Variants in MAD1L1 observed in about 807,000 individuals in gnomAD.
MAD1L1 encodes mitotic arrest deficient 1 like 1.
A neutral mutation model predicts 96.9 loss-of-function variants in MAD1L1; 95 were observed. The observed-to-expected ratio is 0.98, with a 90% confidence interval of 0.83 to 1.16. MAD1L1 has a LOEUF of 1.16. MAD1L1 is among the 50% of genes most tolerant of loss of function. MAD1L1 has a pLI of 0.00. For missense variants in MAD1L1, 1,007 were observed against 954.4 expected (o/e 1.06, Z -0.73); for synonymous variants, 473 against 396.6 (o/e 1.19, Z -2.29).
At chr7:1,918,814 A>C (rs1183311134) in intron 17 of MAD1L1, among the ~76,000 whole-genome samples, 1 of 152,004 alleles carries the variant, frequency 6.6e-6, no homozygotes, top group Admixed American at 6.5e-5. Flanking sequence ...ACCTGAGGAG[A>C]CCACAGCTCC....
At chr7:2,071,152 G>A (rs906644893) in intron 11 of MAD1L1, among the ~76,000 whole-genome samples, 1 of 152,170 alleles carries the variant, frequency 6.6e-6, no homozygotes, top group Non-Finnish European at 1.5e-5. Flanking sequence ...TTTCTTGGGC[G>A]GTGGTCTCCA....
intron 10 of MAD1L1, among the ~76,000 whole-genome samples, chr7:2,169,369 TAA>T (rs950761791): frequency 3.3e-5 from 5 of 151,960 alleles, no homozygotes; most frequent in Non-Finnish European, 7.4e-5. Context: ...ACTTGTGCAA[TAA>T]AATTAAGAAA....
intron 10 of MAD1L1, among the ~76,000 whole-genome samples, chr7:2,175,750 A>C (rs1040600673): frequency 7.2e-5 from 11 of 152,172 alleles, no homozygotes; most frequent in African/African-American, 2.7e-4. Flanking sequence ...GGTGGGGCTC[A>C]TCCTCCTCCT....
intron 10 of MAD1L1, among the ~76,000 whole-genome samples, chr7:2,151,073 C>T (rs984181614): frequency 2.6e-5 from 4 of 152,240 alleles, no homozygotes; most frequent in African/African-American, 9.6e-5. Flanking sequence ...CCATTCTCTC[C>T]AGTTTCCCAA....
rs550471195 is a variant in MAD1L1, at chr7:2,008,773, G to T, written c.1359+5729C>A. Among the ~76,000 whole-genome samples, 331 of 127,528 alleles carry T rather than the reference G, an allele frequency of 2.6e-3. 1 individual carries two copies. The highest frequency in any genetic ancestry group is 3.9e-3 in the Non-Finnish European group (215 of 55,206). The allele number at this position is 127,528 out of a possible 152,430, so 83.7% of individuals were successfully genotyped here. A position where few individuals can be genotyped will look rare whatever the true frequency, so the allele number is the denominator to read the frequency against. ...AGACGCAGACACGCAGGAAGCTCAG[G>T]GGGGGAAGGAACACGGCTCCATCCC... On this transcript the variant is annotated intron_variant, in intron 13 of 18. Coordinates refer to ENST00000265854, the MANE Select transcript of MAD1L1 (RefSeq NM_001013836.2).
At chr7:1,920,084 C>A (rs1486575247) in intron 17 of MAD1L1, among the ~76,000 whole-genome samples, 3 of 152,168 alleles carry the variant, frequency 2.0e-5, no homozygotes, top group Non-Finnish European at 4.4e-5. Flanking sequence ...ACAGCAACCC[C>A]CAGAGTCAGA....
At chr7:1,843,370 C>T (rs148053247) in intron 18 of MAD1L1, among the ~76,000 whole-genome samples, 1,713 of 152,264 alleles carry the variant, frequency 0.011, 29 homozygotes, top group African/African-American at 0.039. Context: ...ACGTCCCTCA[C>T]GGCCAGGGAG....
At chr7:2,214,704 G>A (rs1301640166) in intron 9 of MAD1L1, among the ~76,000 whole-genome samples, 3 of 152,184 alleles carry the variant, frequency 2.0e-5, no homozygotes, top group African/African-American at 4.8e-5. Context: ...GCTGTGCACC[G>A]GGCAAGAGAG....
In MAD1L1 at chr7:2,114,984, C is replaced by G. The variant is rs1015724658; in HGVS notation, c.1073+34168G>C. On this transcript the variant is annotated intron_variant, in intron 11 of 18. Transcript: ENST00000265854. The surrounding 1 kb of genome is among the most constrained non-coding windows in gnomAD (Gnocchi z 4.2). ...GAAGAATCTGTTCCCAGGGTAGAAACAGTGACGGGCCAGTGCAGCAGAGAA... is the reference window on the plus strand; with the variant it reads ...GAAGAATCTGTTCCCAGGGTAGAAAGAGTGACGGGCCAGTGCAGCAGAGAA... 6.6e-6 allele frequency among the ~76,000 whole-genome samples: 1 copy of G among 152,382 alleles called. No individual in the cohort carries two copies. Among genetic ancestry groups the G allele is most frequent in the East Asian group, 1.9e-4 (1 of 5,186 alleles).
At chr7:1,950,749 G>A (rs1164710363) in intron 16 of MAD1L1, among the ~76,000 whole-genome samples, 2 of 152,342 alleles carry the variant, frequency 1.3e-5, no homozygotes, top group Middle Eastern at 3.4e-3. Flanking sequence ...TGGGGCCGTT[G>A]GCAAAGCTCA....
chr7:2,209,084 A>G (rs1792751666), intron 10 of MAD1L1, among the ~76,000 whole-genome samples: 1 of 152,186 alleles, frequency 6.6e-6, no homozygotes, highest in African/African-American at 2.4e-5. Flanking sequence ...TCAAAGTCGT[A>G]GAAACTAACA....
At chr7:2,222,494 C>T (rs1464862364) in intron 5 of MAD1L1, 81 bp downstream of exon 5, 20 of 1,271,052 alleles carry the variant, frequency 1.6e-5, no homozygotes, top group South Asian at 6.4e-5. Context: ...AAAACACAAG[C>T]GGGCACTGCA....
At chr7:2,082,406 CAGA>C (rs1269289175) in intron 11 of MAD1L1, among the ~76,000 whole-genome samples, 1 of 152,006 alleles carries the variant, frequency 6.6e-6, no homozygotes, top group African/African-American at 2.4e-5. Context: ...ATGGGAGAGA[CAGA>C]AGGAGAGACC....
At chr7:2,096,682 C>T (rs1786507092) in intron 11 of MAD1L1, among the ~76,000 whole-genome samples, 1 of 152,170 alleles carries the variant, frequency 6.6e-6, no homozygotes, top group Non-Finnish European at 1.5e-5. Flanking sequence ...GACTCAGCCT[C>T]AGAGAACCTT....
intron 12 of MAD1L1, among the ~76,000 whole-genome samples, chr7:2,044,065 G>A (rs1233967157): frequency 6.6e-6 from 1 of 152,236 alleles, no homozygotes. Context: ...GGAGACAGCA[G>A]CATGGGAGGA....
At chr7:2,209,883 C>T (rs1196012050) in intron 10 of MAD1L1, 1 of 152,418 alleles carries the variant, frequency 6.6e-6, no homozygotes, top group Non-Finnish European at 1.5e-5. Context: ...ACGCATGTCT[C>T]CACACAAGAA....
At chr7:2,182,024 A>G (rs926564479) in intron 10 of MAD1L1, among the ~76,000 whole-genome samples, 4 of 152,210 alleles carry the variant, frequency 2.6e-5, no homozygotes, top group Admixed American at 6.5e-5. Flanking sequence ...CTCTGGGGAC[A>G]GTGTACACTG....
At chr7:2,178,608 G>T (rs541093011) in intron 10 of MAD1L1, among the ~76,000 whole-genome samples, 1 of 152,192 alleles carries the variant, frequency 6.6e-6, no homozygotes, top group Non-Finnish European at 1.5e-5. Flanking sequence ...TTAAAACACA[G>T]AAATTAGGCT....
At chr7:1,965,550 T>C (rs1197095033) in intron 15 of MAD1L1, among the ~76,000 whole-genome samples, 2 of 152,206 alleles carry the variant, frequency 1.3e-5, no homozygotes, top group Non-Finnish European at 2.9e-5. Context: ...AGCACTCACC[T>C]GGGGGCCGGA....
Sources: allele counts gnomAD v4.1 joint callset (sites outside exome capture counted in the v4.1 genomes callset), GRCh38; gene constraint gnomAD v4.1.1; non-coding constraint Gnocchi (gnomAD v3.1); transcripts MANE v1.5; gene names NCBI Gene and HGNC (gene_info 2026-07-23, HGNC 2026-07-21).